PYROXD2: variants seen among roughly 807,000 people sequenced by gnomAD.
PYROXD2 encodes pyridine nucleotide-disulphide oxidoreductase domain 2, also known as pyridine nucleotide-disulfide oxidoreductase domain-containing protein 2.
PYROXD2 carries 69 observed loss-of-function variants against 71.1 expected under a neutral mutation model. The observed-to-expected ratio is 0.97, with a 90% CI of 0.80 to 1.19. The LOEUF (loss-of-function observed/expected upper bound fraction) is 1.19. Ranked by LOEUF, PYROXD2 falls within the 50% of genes most tolerant of loss-of-function variation. PYROXD2 has a pLI of 0.00. For synonymous variants in PYROXD2, 287 were observed against 302.7 expected, an observed-to-expected ratio of 0.95 and a Z score of 0.54; for missense variants, 745 against 748.9, an observed-to-expected ratio of 0.99 and a Z score of 0.06.
chr10:98,405,093 C>A (rs958164002), intron 4 of PYROXD2, among the ~76,000 whole-genome samples: 1 of 152,158 alleles, frequency 6.6e-6, no homozygotes. Context: ...GGATGAAAAG[C>A]CCCCCTCCAC....
rs201923830 is a variant in PYROXD2, at chr10:98,400,214, G to C, written c.359C>G (p.Thr120Ser). 3.1e-6 allele frequency: 5 copies of C among 1,612,884 alleles called. No individual in the cohort carries two copies. In the African/African-American group the frequency reaches 4.0e-5, roughly 13 times the overall value. ...RLHLRNPYSF[T>S]PMLEEGAGSK... The stretch of plus-strand genomic sequence containing the variant: ...GCCTGCACCCTCTTCCAGCATGGGG[G>C]TGAAGGAGTAGGGGTTTCGAAGATG... The change falls in exon 5 of 16, where the codon ACC (threonine) becomes AGC (serine). Residue 120 changes from threonine (T) to serine (S), a missense_variant. Coordinates refer to ENST00000370575, the MANE Select transcript of PYROXD2 (RefSeq NM_032709.3).
In PYROXD2 at chr10:98,404,837, C is replaced by G. The variant is rs184430298; in HGVS notation, c.315+2745G>C. 1.2e-3 allele frequency among the ~76,000 whole-genome samples: 185 copies of G among 152,346 alleles called. 1 individual carries two copies. Among genetic ancestry groups the G allele is most frequent in the Non-Finnish European group, 5.3e-4 (36 of 68,030 alleles). On this transcript the variant is annotated intron_variant, in intron 4 of 15. Transcript: ENST00000370575. ...CCCACCACTGCCACAGAATCAGACT[C>G]GTGAGCAAGAACCCCTGGGGTTTCC... is the stretch of plus-strand genomic sequence containing the variant.
intron 4 of PYROXD2, among the ~76,000 whole-genome samples, chr10:98,402,180 A>G (rs2135998049): frequency 6.6e-6 from 1 of 152,318 alleles, no homozygotes; most frequent in Admixed American, 6.5e-5. Context: ...GTTGACCAAC[A>G]TGGTGGCACA....
chr10:98,390,836 G>C, intron 11 of PYROXD2, 82 bp from the exon 12 acceptor site: 1 of 1,503,052 alleles, frequency 6.7e-7, no homozygotes, highest in East Asian at 2.3e-5. Context: ...CCTCAGTGGC[G>C]GACGGGAGTA....
chr10:98,392,803 C>G, intron 9 of PYROXD2, 139 bp downstream of exon 9: 3 of 1,150,138 alleles, frequency 2.6e-6, no homozygotes, highest in Middle Eastern at 4.1e-4. Context: ...GACTGCATGA[C>G]CTTAATCTCT....
intron 8 of PYROXD2, among the ~76,000 whole-genome samples, chr10:98,394,325 A>C (rs1843067465): frequency 6.6e-6 from 1 of 152,204 alleles, no homozygotes; most frequent in Admixed American, 6.5e-5. Context: ...TGGCTGGTAG[A>C]TCACAGCTTG....
chr10:98,403,596 G>A (rs1327787581), intron 4 of PYROXD2, among the ~76,000 whole-genome samples: 1 of 152,134 alleles, frequency 6.6e-6, no homozygotes, highest in Non-Finnish European at 1.5e-5. Flanking sequence ...GCCTGGGTGG[G>A]TCCTTCTCTT....
intron 4 of PYROXD2, among the ~76,000 whole-genome samples, chr10:98,405,279 C>G (rs1402803545): frequency 1.3e-5 from 2 of 152,174 alleles, no homozygotes; most frequent in Non-Finnish European, 2.9e-5. Flanking sequence ...GAGGCAGGCC[C>G]TGGTGGGGAC....
intron 4 of PYROXD2, among the ~76,000 whole-genome samples, chr10:98,406,192 A>T (rs1218019757): frequency 6.6e-6 from 1 of 152,216 alleles, no homozygotes; most frequent in South Asian, 2.1e-4. Flanking sequence ...TAAAGCATCT[A>T]CTCAGTTCAC....
intron 13 of PYROXD2, chr10:98,387,720 C>A: frequency 5.9e-6 from 1 of 168,692 alleles, no homozygotes; most frequent in Non-Finnish European, 1.3e-5. Context: ...GCAACCTCCG[C>A]CTCTGGGTTC....
Position 98,383,879 on chromosome 10 carries a change from A to C in PYROXD2, c.1676-11T>G. ...CCATCACACCTCCTCCTGGAAGGGA[A>C]TCTCCTATGAACCAAAGCTCCGCTC... On this transcript the variant is annotated splice_polypyrimidine_tract_variant and intron_variant, in intron 15 of 15. Coordinates refer to ENST00000370575, the MANE Select transcript of PYROXD2 (RefSeq NM_032709.3). 6.2e-7 allele frequency: 1 copy of C among 1,613,330 alleles called. No homozygotes were observed. Among genetic ancestry groups the C allele is most frequent in the Non-Finnish European group, 8.5e-7 (1 of 1,179,472 alleles).
At chr10:98,401,109 C>T (rs1348171576) in intron 4 of PYROXD2, among the ~76,000 whole-genome samples, 2 of 151,872 alleles carry the variant, frequency 1.3e-5, no homozygotes, top group South Asian at 2.1e-4. Context: ...AAAAATTAGC[C>T]GGGCATGGTG....
At chr10:98,388,610 A>T in intron 12 of PYROXD2, 102 bp from the exon 13 acceptor site, 1 of 1,233,100 alleles carries the variant, frequency 8.1e-7, no homozygotes, top group Non-Finnish European at 1.1e-6. Flanking sequence ...AGATGACACC[A>T]ATTCTGGGCG....
intron 4 of PYROXD2, among the ~76,000 whole-genome samples, chr10:98,403,401 C>G (rs529542032): frequency 1.1e-4 from 16 of 152,338 alleles, no homozygotes; most frequent in South Asian, 2.1e-4. Context: ...TCCTCCGAGT[C>G]CTCACCAGCC....
chr10:98,390,504 C>A, intron 12 of PYROXD2, 94 bp downstream of exon 12: 1 of 1,379,140 alleles, frequency 7.3e-7, no homozygotes, highest in Non-Finnish European at 9.7e-7. Context: ...AGGTTGAACA[C>A]CAGGCCTGAT....
intron 4 of PYROXD2, among the ~76,000 whole-genome samples, chr10:98,404,150 G>A (rs574219219): frequency 9.9e-5 from 15 of 152,260 alleles, no homozygotes; most frequent in Admixed American, 7.8e-4. Context: ...AGAAGGAGGC[G>A]TAAACAGACT....
Position 98,388,484 on chromosome 10 carries a change from A to G in PYROXD2, c.1317T>C (p.Pro439=). Residue 439 remains proline (P), a synonymous_variant, in exon 13 of 16, where the codon CCT becomes CCC. Transcript: ENST00000370575. ...GAGCCAGGGTGGGGTCCAGCGAGGA[A>G]GGGATGCAGAGCTCAATCACAGGCC... ...SHRPVIELCI[P]SSLDPTLAPP... The G allele has an allele frequency of 2.5e-6, 4 of 1,609,896 alleles. No homozygotes were observed. The highest frequency in any genetic ancestry group is 3.4e-6 in the Non-Finnish European group (4 of 1,178,548).
intron 1 of PYROXD2, chr10:98,411,960 T>G (rs1843803487): frequency 1.3e-5 from 2 of 152,258 alleles, no homozygotes; most frequent in South Asian, 4.1e-4. Context: ...ACAGATGGAA[T>G]CTGTCTCTCA....
intron 5 of PYROXD2, among the ~76,000 whole-genome samples, chr10:98,398,893 T>C (rs1363235709): frequency 2.0e-5 from 3 of 151,826 alleles, no homozygotes; most frequent in Non-Finnish European, 4.4e-5. Context: ...CCTAGCACCT[T>C]GGGAGGTGGA....
Sources: allele counts gnomAD v4.1 joint callset (sites outside exome capture counted in the v4.1 genomes callset), GRCh38; gene constraint gnomAD v4.1.1; transcripts MANE v1.5; gene names NCBI Gene and HGNC (gene_info 2026-07-23, HGNC 2026-07-21).